CLYBL: variants seen among roughly 807,000 people sequenced by gnomAD.
CLYBL encodes the protein citramalyl-CoA lyase, mitochondrial.
In CLYBL, 31 loss-of-function variants were observed where a neutral mutation model predicts 38.9. The observed-to-expected ratio is 0.80, with a 90% CI of 0.60 to 1.08. The LOEUF (loss-of-function observed/expected upper bound fraction) is 1.08. Ranked by LOEUF, CLYBL falls within the 50% of genes least tolerant of loss-of-function variation. CLYBL has a pLI of 0.00. For synonymous variants in CLYBL, 171 were observed against 158.6 expected, an observed-to-expected ratio of 1.08 and a Z score of -0.59; for missense variants, 434 against 411.6, an observed-to-expected ratio of 1.05 and a Z score of -0.47.
At chr13:99,897,085 C>T (rs1241495419), downstream of CLYBL, 1 of 152,226 alleles carries the variant, frequency 6.6e-6, no homozygotes, top group South Asian at 2.1e-4. Context: ...GTGATGATAA[C>T]AAGAGAGGTG....
chr13:99,763,068 G>A (rs2049195266), intron 1 of CLYBL, among the ~76,000 whole-genome samples: 1 of 152,154 alleles, frequency 6.6e-6, no homozygotes, highest in African/African-American at 2.4e-5. Flanking sequence ...ACAGCTGTTT[G>A]GTGGAATCTC....
At chr13:99,768,551 A>C (rs1358630326) in intron 1 of CLYBL, among the ~76,000 whole-genome samples, 3 of 120,370 alleles carry the variant, frequency 2.5e-5, no homozygotes, top group Admixed American at 1.1e-4. Context: ...TCACTGTGTC[A>C]CCCAGGCTGG....
chr13:99,875,693 A>G (rs1448288386), intron 7 of CLYBL, among the ~76,000 whole-genome samples: 1 of 152,238 alleles, frequency 6.6e-6, no homozygotes, highest in Non-Finnish European at 1.5e-5. Flanking sequence ...GAAAGGGTTG[A>G]TTCCACTATT....
At chr13:99,794,319 C>T (rs1210471864) in intron 2 of CLYBL, among the ~76,000 whole-genome samples, 1 of 152,068 alleles carries the variant, frequency 6.6e-6, no homozygotes, top group African/African-American at 2.4e-5. Flanking sequence ...TTCTGGGAGG[C>T]TGAGGCAGGA....
At chr13:99,774,410 T>C (rs2049466787) in intron 2 of CLYBL, among the ~76,000 whole-genome samples, 1 of 152,210 alleles carries the variant, frequency 6.6e-6, no homozygotes, top group Admixed American at 6.5e-5. Flanking sequence ...ATTATAACAA[T>C]AACTTACATT....
chr13:99,612,386 C>CT (rs56097059), intron 1 of CLYBL, among the ~76,000 whole-genome samples: 48,340 of 111,154 alleles, frequency 0.43, 11,667 homozygotes, highest in Middle Eastern at 0.62. Context: ...GACCTTTCTA[C>CT]TTTTTTTTTT....
At chr13:99,784,373 T>A (rs995281286) in intron 2 of CLYBL, among the ~76,000 whole-genome samples, 1 of 151,984 alleles carries the variant, frequency 6.6e-6, no homozygotes, top group Admixed American at 6.6e-5. Flanking sequence ...TGATTCCCCG[T>A]GTCCTTATTT....
chr13:99,833,176 G>A (rs2050859181), intron 2 of CLYBL, among the ~76,000 whole-genome samples: 1 of 149,344 alleles, frequency 6.7e-6, no homozygotes, highest in South Asian at 2.1e-4. Context: ...CAAGTAGCTG[G>A]GATTACAGGC....
At position 99,821,235 on chromosome 13, in the gene CLYBL, G is replaced by C. The variant is rs528534113; in HGVS notation, c.250-37626G>C. 5.8e-3 allele frequency among the ~76,000 whole-genome samples: 881 copies of C among 152,216 alleles called. 14 individuals are homozygous for C. Among genetic ancestry groups the C allele is most frequent in the African/African-American group, 0.02 (846 of 41,530 alleles). Reference sequence around the variant, plus strand: ...CCAAACTTACCATTTTCAGGAATGGGTTAGATTTTTGGTACTGAGGGATGT... The same window carrying C: ...CCAAACTTACCATTTTCAGGAATGGCTTAGATTTTTGGTACTGAGGGATGT... On this transcript the variant is annotated intron_variant, in intron 2 of 8. Transcript: ENST00000339105.
chr13:99,667,950 T>C (rs528782593), intron 1 of CLYBL, among the ~76,000 whole-genome samples: 41 of 152,286 alleles, frequency 2.7e-4, no homozygotes, highest in African/African-American at 8.9e-4. Flanking sequence ...TATGAAAAGA[T>C]GAGGAGCAAA....
chr13:99,614,446 G>A (rs1158746933), intron 1 of CLYBL, among the ~76,000 whole-genome samples: 4 of 152,162 alleles, frequency 2.6e-5, no homozygotes, highest in Non-Finnish European at 5.9e-5. Context: ...GGGCTGGACA[G>A]TGGAATTTGT....
intron 1 of CLYBL, among the ~76,000 whole-genome samples, chr13:99,620,374 C>T (rs1161161936): frequency 6.6e-6 from 1 of 152,184 alleles, no homozygotes; most frequent in Admixed American, 6.5e-5. Flanking sequence ...TAGGGTCTGC[C>T]TGTTCTAGGG....
intron 2 of CLYBL, among the ~76,000 whole-genome samples, chr13:99,784,768 AT>A (rs1594180947): frequency 6.6e-6 from 1 of 151,774 alleles, no homozygotes; most frequent in Non-Finnish European, 1.5e-5. Context: ...ATTCTTTTAC[AT>A]TTTACTGAGC....
At chr13:99,888,855 A>G (rs2052418043) in intron 7 of CLYBL, among the ~76,000 whole-genome samples, 1 of 152,156 alleles carries the variant, frequency 6.6e-6, no homozygotes. Context: ...AATCCTGACC[A>G]ATAGACTATT....
chr13:99,616,543 A>G, intron 1 of CLYBL, among the ~76,000 whole-genome samples: 1 of 152,218 alleles, frequency 6.6e-6, no homozygotes, highest in South Asian at 2.1e-4. Flanking sequence ...TGGCTGTCAC[A>G]CTGGGCCCGC....
chr13:99,721,595 TTAG>T (rs2048393768), intron 1 of CLYBL, among the ~76,000 whole-genome samples: 1 of 151,716 alleles, frequency 6.6e-6, no homozygotes, highest in East Asian at 1.9e-4. Flanking sequence ...GTCATTTACA[TTAG>T]TTATATCTCC....
At chr13:99,862,476 G>A (rs544586135) in intron 3 of CLYBL, among the ~76,000 whole-genome samples, 1 of 80,958 alleles carries the variant, frequency 1.2e-5, no homozygotes, top group East Asian at 2.6e-4. Flanking sequence ...GTCTTCCTAG[G>A]TAAGCTAAAA....
At chr13:99,875,643 A>G (rs1217232979) in intron 7 of CLYBL, among the ~76,000 whole-genome samples, 1 of 152,214 alleles carries the variant, frequency 6.6e-6, no homozygotes, top group African/African-American at 2.4e-5. Context: ...ACGCAGATCA[A>G]ATAAACCATC....
At chr13:99,868,991 T>C (rs1298402443) in intron 6 of CLYBL, among the ~76,000 whole-genome samples, 1 of 152,202 alleles carries the variant, frequency 6.6e-6, no homozygotes, top group Non-Finnish European at 1.5e-5. Flanking sequence ...TAAATTTTAA[T>C]GTCTTCCAAT....
Sources: gnomAD v4.1 joint callset for allele counts (sites outside exome capture counted in the v4.1 genomes callset) on GRCh38, gnomAD v4.1.1 for gene constraint, MANE v1.5 for transcripts, NCBI Gene and HGNC (gene_info 2026-07-23, HGNC 2026-07-21) for gene names.